Variants in EYA1 observed in about 807,000 individuals in gnomAD.
EYA1 encodes the protein EYA transcriptional coactivator and phosphatase 1, also known as protein phosphatase EYA1.
In EYA1, 16 loss-of-function variants were observed where a neutral mutation model predicts 82.0. The observed-to-expected ratio is 0.20, with a 90% CI of 0.13 to 0.30. The LOEUF (loss-of-function observed/expected upper bound fraction) is 0.30, where lower values mean the gene tolerates loss of function less well. Ranked by LOEUF, EYA1 falls within the 10% of genes least tolerant of loss-of-function variation. The pLI, the probability that EYA1 is intolerant of heterozygous loss-of-function variation, is 1.00. For missense variants in EYA1, 633 were observed against 730.7 expected (o/e 0.87, Z 1.54); for synonymous variants, 261 against 264.4 (o/e 0.99, Z 0.12).
intron 2 of EYA1, among the ~76,000 whole-genome samples, chr8:71,407,898 G>C (rs1398162476): frequency 6.7e-6 from 1 of 149,966 alleles, no homozygotes; most frequent in Non-Finnish European, 1.5e-5. Context: ...CTTGAGAAGA[G>C]CAACTCCAAG....
chr8:71,309,105 T>A (rs1821052706), intron 7 of EYA1, among the ~76,000 whole-genome samples: 1 of 152,204 alleles, frequency 6.6e-6, no homozygotes, highest in Non-Finnish European at 1.5e-5. Flanking sequence ...TTCCTTTTTG[T>A]CCCAGTAATA....
chr8:71,545,524 C>T (rs1400437377), intron 1 of EYA1, among the ~76,000 whole-genome samples: 2 of 148,912 alleles, frequency 1.3e-5, no homozygotes, highest in Non-Finnish European at 3.0e-5. Context: ...AATAACTCCA[C>T]TATTAGATTT....
chr8:71,390,823 C>T (rs1829234483), intron 2 of EYA1, among the ~76,000 whole-genome samples: 1 of 152,060 alleles, frequency 6.6e-6, no homozygotes, highest in Non-Finnish European at 1.5e-5. Context: ...CTTATTCAAT[C>T]TCTTTTCTTA....
At chr8:71,230,038 G>T (rs1246808431) in intron 12 of EYA1, among the ~76,000 whole-genome samples, 1 of 152,156 alleles carries the variant, frequency 6.6e-6, no homozygotes, top group Non-Finnish European at 1.5e-5. Context: ...CTAGAATACT[G>T]AACTGAGCCC....
At chr8:71,259,135 C>T (rs1814793458) in intron 11 of EYA1, among the ~76,000 whole-genome samples, 1 of 152,138 alleles carries the variant, frequency 6.6e-6, no homozygotes, top group Admixed American at 6.6e-5. Context: ...TTTCTCCCTA[C>T]AACAACAAAA....
chr8:71,455,708 C>G (rs545130099), intron 2 of EYA1, among the ~76,000 whole-genome samples: 5 of 152,256 alleles, frequency 3.3e-5, no homozygotes, highest in South Asian at 4.2e-4. Flanking sequence ...AATTCAACAG[C>G]CTTCCTGCTA....
intron 2 of EYA1, among the ~76,000 whole-genome samples, chr8:71,434,025 G>A (rs568579876): frequency 6.6e-6 from 1 of 152,336 alleles, no homozygotes; most frequent in African/African-American, 2.4e-5. Context: ...AATTCATGAT[G>A]TGTTTTGTGG....
intron 2 of EYA1, among the ~76,000 whole-genome samples, chr8:71,377,200 T>C (rs1828423576): frequency 6.6e-6 from 1 of 152,194 alleles, no homozygotes; most frequent in South Asian, 2.1e-4. Context: ...AACAGACATT[T>C]TAGATCCAGG....
At chr8:71,213,482 A>C (rs1585799931) in intron 16 of EYA1, among the ~76,000 whole-genome samples, 1 of 152,228 alleles carries the variant, frequency 6.6e-6, no homozygotes, top group Non-Finnish European at 1.5e-5. Context: ...ATGTGACTTA[A>C]ACTGTTTGCT....
At chr8:71,378,236 G>C (rs1056875802) in intron 2 of EYA1, among the ~76,000 whole-genome samples, 2 of 152,088 alleles carry the variant, frequency 1.3e-5, no homozygotes, top group African/African-American at 4.8e-5. Context: ...AGGCTTGCAG[G>C]GAGGCTAAGG....
chr8:71,466,358 T>C (rs528589765), intron 2 of EYA1, among the ~76,000 whole-genome samples: 18 of 152,268 alleles, frequency 1.2e-4, no homozygotes, highest in African/African-American at 4.1e-4. Flanking sequence ...GAAAAGCTTT[T>C]TTTGAAATCA....
chr8:71,438,815 T>G (rs945706202), intron 2 of EYA1, among the ~76,000 whole-genome samples: 1 of 152,160 alleles, frequency 6.6e-6, no homozygotes, highest in Non-Finnish European at 1.5e-5. Flanking sequence ...AGCTGCTGCT[T>G]AGATGGCAAG....
intron 2 of EYA1, among the ~76,000 whole-genome samples, chr8:71,499,881 C>G (rs938577538): frequency 9.9e-5 from 15 of 152,102 alleles, no homozygotes; most frequent in African/African-American, 3.6e-4. Context: ...CGCAAGAAAA[C>G]AGATAGAGGG....
intron 2 of EYA1, among the ~76,000 whole-genome samples, chr8:71,413,871 T>C (rs1347656279): frequency 6.6e-6 from 1 of 152,238 alleles, no homozygotes; most frequent in African/African-American, 2.4e-5. Context: ...AAAGGAATCA[T>C]TTTGCTTTGT....
chr8:71,377,875 T>C (rs1828465267), intron 2 of EYA1, among the ~76,000 whole-genome samples: 1 of 152,234 alleles, frequency 6.6e-6, no homozygotes, highest in African/African-American at 2.4e-5. Flanking sequence ...CTGTTTCATC[T>C]GACATTGCTG....
At chr8:71,348,172 G>A (rs908026339) in intron 3 of EYA1, among the ~76,000 whole-genome samples, 2 of 152,136 alleles carry the variant, frequency 1.3e-5, no homozygotes, top group Admixed American at 6.5e-5. Context: ...AGAGGAGAAT[G>A]AATTACTCTT....
At chr8:71,345,500 G>A (rs1825598222) in intron 3 of EYA1, among the ~76,000 whole-genome samples, 1 of 152,156 alleles carries the variant, frequency 6.6e-6, no homozygotes, top group Admixed American at 6.5e-5. Flanking sequence ...CAGGACTCTT[G>A]GCTCCCTGCT....
chr8:71,462,447 A>C (rs1808430493), intron 2 of EYA1, among the ~76,000 whole-genome samples: 1 of 152,120 alleles, frequency 6.6e-6, no homozygotes, highest in Non-Finnish European at 1.5e-5. Context: ...CCTGCAGGGG[A>C]ATGGGAGCCT....
intron 2 of EYA1, among the ~76,000 whole-genome samples, chr8:71,441,090 A>T (rs1331677435): frequency 6.6e-6 from 1 of 152,180 alleles, no homozygotes; most frequent in Non-Finnish European, 1.5e-5. Context: ...AACAAAGGCA[A>T]TCCCAAGGTT....
Sources: gnomAD v4.1 joint callset for allele counts (sites outside exome capture counted in the v4.1 genomes callset) on GRCh38, gnomAD v4.1.1 for gene constraint, MANE v1.5 for transcripts, NCBI Gene and HGNC (gene_info 2026-07-23, HGNC 2026-07-21) for gene names.